The following TREML2 variants were observed in gnomAD, a reference collection of about 807,000 sequenced individuals.
The protein encoded by TREML2 is triggering receptor expressed on myeloid cells like 2.
In TREML2, 24 loss-of-function variants were observed where a neutral mutation model predicts 25.9. That is an observed-to-expected ratio of 0.93 (90% confidence interval 0.67 to 1.30). The LOEUF (loss-of-function observed/expected upper bound fraction) is 1.30. Ranked by LOEUF, TREML2 falls within the 50% of genes most tolerant of loss-of-function variation. TREML2 has a pLI of 0.00. For missense variants in TREML2, 359 were observed against 395.6 expected (o/e 0.91, Z 0.78); for synonymous variants, 139 against 155.2 (o/e 0.90, Z 0.77).
intron 1 of TREML2, 60 bp from the exon 2 acceptor site, chr6:41,198,489 A>C (rs1198810973): frequency 5.3e-6 from 8 of 1,499,108 alleles, no homozygotes; most frequent in Middle Eastern, 3.7e-4. Context: ...AGACATCATG[A>C]AAGTTGAAGA....
intron 2 of TREML2, among the ~76,000 whole-genome samples, chr6:41,196,491 C>CT (rs1327817488): frequency 2.0e-5 from 3 of 152,138 alleles, no homozygotes; most frequent in Non-Finnish European, 4.4e-5. Flanking sequence ...GTGCTCCACT[C>CT]TTTTTTGCCT....
In TREML2 at chr6:41,201,107, G is replaced by T. The variant is rs760050353; in HGVS notation, c.-99C>A. 1 of 1,407,356 alleles carries T rather than the reference G, an allele frequency of 7.1e-7. No homozygotes were observed. Among genetic ancestry groups the T allele is most frequent in the East Asian group, 2.3e-5 (1 of 43,790 alleles). 87.2% of individuals were successfully genotyped at this position (1,407,356 alleles called of 1,614,324 possible). On this transcript the variant is annotated 5_prime_UTR_variant, in exon 1 of 5. Coordinates refer to ENST00000483722, the MANE Select transcript of TREML2 (RefSeq NM_024807.4). Reference sequence around the variant, plus strand: ...TGGGCCTGCCAGGGAAGGACCCGGGGTTCTAAAAGTGAAGCTGCCCATTTA... The same window carrying T: ...TGGGCCTGCCAGGGAAGGACCCGGGTTTCTAAAAGTGAAGCTGCCCATTTA...
intron 3 of TREML2, among the ~76,000 whole-genome samples, chr6:41,193,238 G>T (rs1453660161): frequency 6.6e-6 from 1 of 152,134 alleles, no homozygotes; most frequent in African/African-American, 2.4e-5. Flanking sequence ...GAGGATGCCT[G>T]TTCCCCCACT....
chr6:41,200,031 C>A (rs1766246080), intron 1 of TREML2, among the ~76,000 whole-genome samples: 1 of 152,206 alleles, frequency 6.6e-6, no homozygotes, highest in Non-Finnish European at 1.5e-5. Flanking sequence ...CCCAATGGAA[C>A]CCAGAGCTGT....
At chr6:41,197,301 G>A (rs1766184424) in intron 2 of TREML2, among the ~76,000 whole-genome samples, 2 of 152,108 alleles carry the variant, frequency 1.3e-5, no homozygotes, top group Non-Finnish European at 2.9e-5. Flanking sequence ...CTCTCTAGTA[G>A]CTTCCTCTTA....
Position 41,192,117 on chromosome 6 carries a change from G to A in TREML2, c.*310C>T. ...GGTTCTCTGTAAACAGCACTCTCAG[G>A]GTTCCCCTGCCTCCACCAAGAGCCC... On this transcript the variant is annotated 3_prime_UTR_variant, in exon 5 of 5. Coordinates refer to ENST00000483722, the MANE Select transcript of TREML2 (RefSeq NM_024807.4). 1 of 383,924 alleles carries A rather than the reference G, an allele frequency of 2.6e-6. No homozygotes were observed. Among genetic ancestry groups the A allele is most frequent in the Non-Finnish European group, 4.9e-6 (1 of 204,590 alleles). 23.8% of individuals were successfully genotyped at this position (383,924 alleles called of 1,614,324 possible). A position where few individuals can be genotyped will look rare whatever the true frequency, so the allele number is the denominator to read the frequency against.
intron 2 of TREML2, among the ~76,000 whole-genome samples, chr6:41,197,592 G>A (rs369574515): frequency 7.2e-5 from 11 of 152,188 alleles, no homozygotes; most frequent in African/African-American, 2.6e-4. Context: ...CCCCACCACC[G>A]AGTCGCTTAC....
At position 41,194,915 on chromosome 6, in the gene TREML2, C is replaced by G. The variant is rs773515200; in HGVS notation, c.377-82G>C. ...CAGATCCTGGCAACCCACACAGTTG[C>G]CTGGAAGCCTGGATGGGGGCCTGTC... On this transcript the variant is annotated intron_variant, in intron 2 of 4. Transcript: ENST00000483722. The G allele has an allele frequency of 5.9e-6, 8 of 1,344,544 alleles. No individual in the cohort carries two copies. In the Admixed American group the frequency reaches 1.3e-4, roughly 22 times the overall value. The allele number at this position is 1,344,544 out of a possible 1,614,324, so 83.3% of individuals were successfully genotyped here.
At position 41,194,663 on chromosome 6, in the gene TREML2, T is replaced by C. The variant is rs1220933451; in HGVS notation, c.547A>G (p.Arg183Gly). The part of the protein sequence containing the change: ...ITLPRLLAST[R>G]PASKTGYSFT... ...CTGTAGCCTGTCTTGGAGGCAGGTC[T>C]GGTGGAGGCTAAGAGCCTAGGCAAG... Residue 183 changes from arginine to glycine, a missense_variant, in exon 3 of 5, where the codon AGA becomes GGA. Arg to Gly is a moderately radical substitution (Grantham distance 125). Transcript: ENST00000483722. The C allele has an allele frequency of 2.2e-5, 36 of 1,613,918 alleles. No individual in the cohort carries two copies. Among genetic ancestry groups the C allele is most frequent in the Non-Finnish European group, 2.8e-5 (33 of 1,179,994 alleles).
At position 41,198,289 on chromosome 6, in the gene TREML2, C is replaced by T. The variant is rs1449160209; in HGVS notation, c.196G>A (p.Gly66Ser). ...CCTTTCACCCAGACTCGGGCAAAGCCAGGCTCACACTTCTTCTTCCTGATT... is the reference window on the plus strand; with the variant it reads ...CCTTTCACCCAGACTCGGGCAAAGCTAGGCTCACACTTCTTCTTCCTGATT... ...CKIRKKKCEPGFARVWVKGPR... is the reference protein window; with the variant it reads ...CKIRKKKCEPSFARVWVKGPR... Residue 66 changes from glycine (G) to serine (S), a missense_variant, in exon 2 of 5, where the codon GGC becomes AGC. Coordinates refer to ENST00000483722, the MANE Select transcript of TREML2 (RefSeq NM_024807.4). 1.2e-6 allele frequency: 2 copies of T among 1,614,232 alleles called. No individual in the cohort carries two copies. The highest frequency in any genetic ancestry group is 2.2e-5 in the East Asian group (1 of 44,878).
intron 2 of TREML2, among the ~76,000 whole-genome samples, chr6:41,197,858 C>G (rs1450289214): frequency 6.6e-6 from 1 of 151,428 alleles, no homozygotes; most frequent in East Asian, 1.9e-4. Context: ...AAGTTTGAAC[C>G]TTATCTCAGC....
At chr6:41,199,907 A>T (rs1766244580) in intron 1 of TREML2, among the ~76,000 whole-genome samples, 1 of 152,248 alleles carries the variant, frequency 6.6e-6, no homozygotes, top group Non-Finnish European at 1.5e-5. Context: ...AAGTGAGAAT[A>T]GCACCACACC....
chr6:41,192,780 T>C, intron 4 of TREML2, 21 bp downstream of exon 4: 1 of 1,602,862 alleles, frequency 6.2e-7, no homozygotes, highest in South Asian at 1.1e-5. Flanking sequence ...CTCAGGAGGC[T>C]GGGAGGTGGG....
At position 41,194,442 on chromosome 6, in the gene TREML2, G is replaced by C. The variant is rs765490544; in HGVS notation, c.768C>G (p.Pro256=). 49 of 1,580,508 alleles carry C rather than the reference G, an allele frequency of 3.1e-5. No individual in the cohort carries two copies. The highest frequency in any genetic ancestry group is 4.2e-5 in the Non-Finnish European group (49 of 1,162,526). ...ACAGGTACCTGATGGAGGGCATGGA[G>C]GGTAGTCTGTTGAGGAGAGATCTGC... ...LTSRSLLNRL[P]SMPSIRHQDV... Residue 256 remains proline (P), a synonymous_variant, in exon 3 of 5, where the codon CCC becomes CCG. Coordinates refer to ENST00000483722, the MANE Select transcript of TREML2 (RefSeq NM_024807.4).
In TREML2 at chr6:41,198,241, C is replaced by T. The variant is rs1351538970; in HGVS notation, c.244G>A (p.Asp82Asn). ...VKGPRYLLQD[D>N]AQAKVVNITM... ...ATGTTGACCACCTTGGCCTGGGCAT[C>T]GTCCTGCAGCAAGTAGCGGGGCCCT... Residue 82 changes from aspartate (D) to asparagine (N), a missense_variant, in exon 2 of 5, where the codon GAT becomes AAT. Physicochemically the swap from Asp to Asn is conservative, Grantham distance 23. Coordinates refer to ENST00000483722, the MANE Select transcript of TREML2 (RefSeq NM_024807.4). 7.4e-6 allele frequency: 12 copies of T among 1,614,218 alleles called. No individual in the cohort carries two copies. Among genetic ancestry groups the T allele is most frequent in the Admixed American group, 5.0e-5 (3 of 60,028 alleles).
At chr6:41,193,693 G>A (rs558643754) in intron 3 of TREML2, among the ~76,000 whole-genome samples, 8 of 151,402 alleles carry the variant, frequency 5.3e-5, no homozygotes, top group African/African-American at 1.2e-4. Context: ...TCCATGAGGC[G>A]CATCCTTGCC....
Position 41,194,494 on chromosome 6 carries a change from G to A in TREML2, c.716C>T (p.Ser239Leu), listed in dbSNP as rs140877740. The change falls in exon 3 of 5, where the codon TCG becomes TTG. Residue 239 changes from serine to leucine, a missense_variant. Transcript: ENST00000483722. ...GGTGAGGCAGAGCCCTGTGGTGGGC[G>A]ATCTGGTGCTGAGGTCCCCAGACTT... ...STKSGDLSTRSPTTGLCLTSR... is the reference protein window; with the variant it reads ...STKSGDLSTRLPTTGLCLTSR... 9.3e-6 allele frequency: 15 copies of A among 1,612,566 alleles called. No homozygotes were observed. The highest frequency in any genetic ancestry group is 2.2e-5 in the South Asian group (2 of 90,728).
At position 41,194,826 on chromosome 6, in the gene TREML2, T is replaced by C. The variant is rs370336343; in HGVS notation, c.384A>G (p.Gln128=). 9.6e-6 allele frequency: 15 copies of C among 1,559,374 alleles called. No individual in the cohort carries two copies. Among genetic ancestry groups the C allele is most frequent in the East Asian group, 2.3e-5 (1 of 44,244 alleles). ...GTGTGAAAGGAATGTTCCTCTCAGT[T>C]TGGGGAGCTGAAAGACAGAAAGGGA... is the stretch of plus-strand genomic sequence containing the variant. The part of the protein sequence containing the change: ...GFQLDVSPAP[Q]TERNIPFTHL... The change falls in exon 3 of 5, where the codon CAA becomes CAG. Residue 128 remains glutamine (Q), a synonymous_variant. Transcript: ENST00000483722.
Position 41,201,039 on chromosome 6 carries a change from G to T in TREML2, c.-31C>A. On this transcript the variant is annotated 5_prime_UTR_variant, in exon 1 of 5. Coordinates refer to ENST00000483722, the MANE Select transcript of TREML2 (RefSeq NM_024807.4). ...CATCCAGCTGGGCAGTGTCAGGCCT[G>T]GAGATCCAAGGTGAGGGCCCACCCG... 1 of 1,611,650 alleles carries T rather than the reference G, an allele frequency of 6.2e-7. No individual in the cohort carries two copies. Among genetic ancestry groups the T allele is most frequent in the South Asian group, 1.1e-5 (1 of 90,766 alleles).
Sources: gnomAD v4.1 joint callset for allele counts (sites outside exome capture counted in the v4.1 genomes callset) on GRCh38, gnomAD v4.1.1 for gene constraint, MANE v1.5 for transcripts, NCBI Gene and HGNC (gene_info 2026-07-23, HGNC 2026-07-21) for gene names.